Variants in RORC observed in about 807,000 individuals in gnomAD.
The protein encoded by RORC is nuclear receptor ROR-gamma.
A neutral mutation model predicts 64.5 loss-of-function variants in RORC; 13 were observed. The ratio of observed to expected loss-of-function variants is 0.20; its 90% CI spans 0.13 to 0.32. RORC has a LOEUF of 0.32. Ranked by LOEUF, RORC falls within the 10% of genes least tolerant of loss-of-function variation. The probability of loss-of-function intolerance (pLI) is 1.00; values close to 1 mark genes in which losing one functional copy is unlikely to be tolerated. For missense variants in RORC, 468 were observed against 669.5 expected (o/e 0.70, Z 3.32); for synonymous variants, 277 against 259.3 (o/e 1.07, Z -0.65).
At position 151,807,607 on chromosome 1, in the gene RORC, G is replaced by A; in HGVS notation, c.1422C>T (p.Ser474=). 2 of 1,614,234 alleles carry A rather than the reference G, an allele frequency of 1.2e-6. No individual in the cohort carries two copies. Among genetic ancestry groups the A allele is most frequent in the Non-Finnish European group, 1.7e-6 (2 of 1,180,042 alleles). ...GCCTTTCCACATGCTGGCTACACAG[G>A]CTCCGAAGCTTCCCCTTGGGTGGCA... is the stretch of plus-strand genomic sequence containing the variant. ...AKLPPKGKLR[S]LCSQHVERLQ... Residue 474 remains serine, a synonymous_variant, in exon 11 of 11, where the codon AGC becomes AGT. Coordinates refer to ENST00000318247, the MANE Select transcript of RORC (RefSeq NM_005060.4). This position sits in a 1 kb window ranked among gnomAD's most constrained non-coding sequence, Gnocchi z 5.0.
intron 9 of RORC, chr1:151,811,640 A>C (rs139909747): frequency 1.4e-4 from 59 of 423,874 alleles, no homozygotes; most frequent in Non-Finnish European, 8.2e-5. Flanking sequence ...AAGAGATGAA[A>C]GGTATGAGAA....
intron 2 of RORC, chr1:151,826,229 G>A: frequency 2.0e-6 from 1 of 489,342 alleles, no homozygotes; most frequent in Non-Finnish European, 3.2e-6. Context: ...TGAGGGGAGG[G>A]GCAGCCAATC....
At chr1:151,815,468 C>A (rs966711537) in intron 4 of RORC, 43 bp from the exon 5 acceptor site, 1 of 1,511,254 alleles carries the variant, frequency 6.6e-7, no homozygotes. Context: ...GGCAGGAGAA[C>A]ATGGCACAGG....
intron 2 of RORC, among the ~76,000 whole-genome samples, chr1:151,817,817 C>CAG (rs1289156476): frequency 1.3e-5 from 2 of 152,176 alleles, no homozygotes; most frequent in Admixed American, 6.5e-5. Flanking sequence ...AGGTGCTATA[C>CAG]AGAGACAGGG....
At position 151,811,571 on chromosome 1, in the gene RORC, T is replaced by C. The variant is rs544531878; in HGVS notation, c.1286-137A>G. 10 of 538,972 alleles carry C rather than the reference T, an allele frequency of 1.9e-5. No individual in the cohort carries two copies. The South Asian group carries it at 2.8e-4, about 15-fold the overall frequency. The allele number at this position is 538,972 out of a possible 1,614,324, so 33.4% of individuals were successfully genotyped here. A position where few individuals can be genotyped will look rare whatever the true frequency, so the allele number is the denominator to read the frequency against. On this transcript the variant is annotated intron_variant, in intron 9 of 10. Transcript: ENST00000318247. Reference sequence around the variant, plus strand: ...GAGCGCGTGCATGTGTGTGCCTTGGTTTGATAATGGTAAGCTCTGGACGTT... The same window carrying C: ...GAGCGCGTGCATGTGTGTGCCTTGGCTTGATAATGGTAAGCTCTGGACGTT...
chr1:151,811,352 C>A lies in RORC; in HGVS notation c.1368G>T (p.Lys456Asn). ...LELAFHHHLC[K>N]THRQSILAKL... ...TTGCCAGGATGCTTTGGCGATGAGT[C>A]TTGCAGAGATGATGATGAAAGGCCA... The change falls in exon 10 of 11, where the codon AAG becomes AAT. Residue 456 changes from lysine (K) to asparagine (N), a missense_variant. Lys to Asn is a moderately conservative substitution (Grantham distance 94). Around this residue, in one of 5 missense-constraint regions of RORC, gnomAD observed 93 missense variants for 116.6 expected, o/e 0.80. Transcript: ENST00000318247. The A allele has an allele frequency of 2.5e-6, 4 of 1,613,926 alleles. No individual in the cohort carries two copies. The highest frequency in any genetic ancestry group is 3.4e-6 in the Non-Finnish European group (4 of 1,179,822).
chr1:151,815,575 G>T, intron 4 of RORC, 150 bp from the exon 5 acceptor site: 1 of 1,030,030 alleles, frequency 9.7e-7, no homozygotes, highest in Non-Finnish European at 1.3e-6. Flanking sequence ...GGGAACTTAT[G>T]CTCAAGACCC....
intron 2 of RORC, among the ~76,000 whole-genome samples, chr1:151,819,920 C>T (rs1197693465): frequency 2.0e-5 from 3 of 152,190 alleles, no homozygotes; most frequent in African/African-American, 7.2e-5. Flanking sequence ...GAGACAGACA[C>T]ACAAGGCCAA....
In RORC at chr1:151,815,542, A is replaced by G. The variant is rs142696027; in HGVS notation, c.299-117T>C. ...TGCTGCTCTCTGAATGGCTGACTCC[A>G]AGCACAGCTTCTCTAGCCTTTAGGG... is the stretch of plus-strand genomic sequence containing the variant. On this transcript the variant is annotated intron_variant, in intron 4 of 10. Transcript: ENST00000318247. 330 of 1,323,734 alleles carry G rather than the reference A, an allele frequency of 2.5e-4. 5 individuals carry two copies. The East Asian group carries it at 6.4e-3, about 26-fold the overall frequency. 82.0% of individuals were successfully genotyped at this position (1,323,734 alleles called of 1,614,324 possible).
chr1:151,820,379 T>C (rs556037404), intron 2 of RORC, among the ~76,000 whole-genome samples: 12 of 152,118 alleles, frequency 7.9e-5, no homozygotes, highest in South Asian at 4.2e-4. Flanking sequence ...GGAACTCAGA[T>C]TGGGGAGAAG....
intron 1 of RORC, 106 bp from the exon 2 acceptor site, chr1:151,829,564 C>G: frequency 1.8e-6 from 2 of 1,119,866 alleles, no homozygotes; most frequent in Non-Finnish European, 2.4e-6. Flanking sequence ...TCCCTCAGAG[C>G]CTGGCGTCTG....
At chr1:151,824,236 G>A (rs1269318018) in intron 2 of RORC, among the ~76,000 whole-genome samples, 1 of 152,168 alleles carries the variant, frequency 6.6e-6, no homozygotes, top group African/African-American at 2.4e-5. Flanking sequence ...AAGGACCAGT[G>A]GCACTGACCC....
At chr1:151,817,372 T>C in intron 2 of RORC, 92 bp from the exon 3 acceptor site, 2 of 824,760 alleles carry the variant, frequency 2.4e-6, no homozygotes, top group South Asian at 1.4e-5. Flanking sequence ...TACCTGGTGC[T>C]TCCACTACTT....
chr1:151,816,911 C>T, intron 3 of RORC, 106 bp from the exon 4 acceptor site: 1 of 1,230,742 alleles, frequency 8.1e-7, no homozygotes, highest in Non-Finnish European at 1.1e-6. Flanking sequence ...CATCCCACGA[C>T]CTGTCAGTTT....
intron 2 of RORC, chr1:151,825,918 C>CTTACTTACTTCT (rs1652176256): frequency 1.2e-6 from 2 of 1,613,798 alleles, no homozygotes; most frequent in Non-Finnish European, 1.7e-6. Flanking sequence ...CCAGGTGGCC[C>CTTACTTACTTCT]CATTCACTTA....
chr1:151,810,386 T>A (rs1356500433), intron 10 of RORC, among the ~76,000 whole-genome samples: 1 of 152,222 alleles, frequency 6.6e-6, no homozygotes. Flanking sequence ...AAATTATTTT[T>A]AATCCCTGTT....
Position 151,816,684 on chromosome 1 carries a change from G to A in RORC, c.278C>T (p.Ala93Val), listed in dbSNP as rs546157871. The change falls in exon 4 of 11, where the codon GCG (alanine) becomes GTG (valine). Residue 93 changes from alanine to valine, a missense_variant. Ala to Val is a moderately conservative substitution (Grantham distance 64). Around this residue, in one of 5 missense-constraint regions of RORC, gnomAD observed 241 missense variants for 295.5 expected, o/e 0.82. Coordinates refer to ENST00000318247, the MANE Select transcript of RORC (RefSeq NM_005060.4). ...CTCACCATCTCGGGACATGCCCAGC[G>A]CCAGGCATTTCTGCAGGCGGCAGTG... ...CQHCRLQKCL[A>V]LGMSRDAVKF... is the part of the protein sequence containing the mutation. 1.2e-5 allele frequency: 20 copies of A among 1,605,900 alleles called. No individual in the cohort carries two copies. Among genetic ancestry groups the A allele is most frequent in the South Asian group, 1.0e-4 (9 of 89,334 alleles).
intron 2 of RORC, among the ~76,000 whole-genome samples, chr1:151,820,726 A>G (rs990073939): frequency 1.3e-5 from 2 of 152,210 alleles, no homozygotes; most frequent in African/African-American, 2.4e-5. Context: ...TGACTGAATG[A>G]CTATGGCTTT....
At chr1:151,816,474 C>G (rs1432178119) in intron 4 of RORC, among the ~76,000 whole-genome samples, 190 bp downstream of exon 4, 1 of 152,196 alleles carries the variant, frequency 6.6e-6, no homozygotes, top group Non-Finnish European at 1.5e-5. Context: ...GTTGGGGACT[C>G]CAAAGAACTT....
Sources: gnomAD v4.1 joint callset for allele counts (sites outside exome capture counted in the v4.1 genomes callset) on GRCh38, gnomAD v4.1.1 for gene constraint, gnomAD v4.1.1 regional missense constraint, Gnocchi (gnomAD v3.1) non-coding constraint, MANE v1.5 for transcripts, NCBI Gene and HGNC (gene_info 2026-07-23, HGNC 2026-07-21) for gene names.